The following HOOK2 variants were observed in gnomAD, a reference collection of about 807,000 sequenced individuals.
The protein encoded by HOOK2 is hook microtubule tethering protein 2, also known as protein Hook homolog 2.
In HOOK2, 108 loss-of-function variants were observed where a neutral mutation model predicts 111.9. The ratio of observed to expected loss-of-function variants is 0.96; its 90% CI spans 0.83 to 1.13. The LOEUF (loss-of-function observed/expected upper bound fraction) is 1.13. HOOK2 is among the 50% of genes most tolerant of loss of function. The pLI is 0.00. For synonymous variants in HOOK2, 405 were observed against 394.3 expected (o/e 1.03, Z -0.32); for missense variants, 978 against 951.3 (o/e 1.03, Z -0.37).
intron 14 of HOOK2, 63 bp downstream of exon 14, chr19:12,767,332 G>A (rs371473346): frequency 4.3e-6 from 6 of 1,383,240 alleles, no homozygotes; most frequent in Admixed American, 3.4e-5. Context: ...GGGCGGGAGC[G>A]GGGCTGAGGG....
rs550456198 is a variant in HOOK2 at position 12,766,774 on chromosome 19, G to A, written c.1374-534C>T. Among the ~76,000 whole-genome samples, 16 of 152,200 alleles carry A rather than the reference G, an allele frequency of 1.1e-4. No individual in the cohort carries two copies. The South Asian group carries it at 2.3e-3, about 22-fold the overall frequency. ...AATTTTTTGTATTTTTAGTAGAGAC[G>A]GGGTTTCACCGTGTTAGCCAGGATG... On this transcript the variant is annotated intron_variant, in intron 14 of 22. Transcript: ENST00000397668.
In HOOK2 at chr19:12,791,602, C is replaced by G; in HGVS notation, n.42-17377G>C. ...GGCGACGGGGGCTCGGGAAGCCTGA[C>G]AGGGCTTTTGCGCACAGCTGCCGGC... On this transcript the variant is annotated intron_variant and non_coding_transcript_variant, in intron 3 of 3. Coordinates refer to the HOOK2 transcript ENST00000589765. The surrounding 1 kb of genome is among the most constrained non-coding windows in gnomAD (Gnocchi z 7.0). 1 of 531,888 alleles carries G rather than the reference C, an allele frequency of 1.9e-6. No homozygotes were observed. The highest frequency in any genetic ancestry group is 3.3e-6 in the Non-Finnish European group (1 of 307,390). 32.9% of individuals were successfully genotyped at this position (531,888 alleles called of 1,614,324 possible). A position where few individuals can be genotyped will look rare whatever the true frequency, so the allele number is the denominator to read the frequency against.
At chr19:12,768,712 G>A (rs1487319202) in intron 11 of HOOK2, among the ~76,000 whole-genome samples, 2 of 152,098 alleles carry the variant, frequency 1.3e-5, no homozygotes, top group African/African-American at 4.8e-5. Flanking sequence ...GGCCTCAAGC[G>A]ATCTCCCATC....
At chr19:12,792,224 C>T (rs1216908722) in intron 3 of HOOK2, 19 of 1,537,744 alleles carry the variant, frequency 1.2e-5, no homozygotes, top group Non-Finnish European at 1.6e-5. Context: ...AGATGAACCA[C>T]GTGACACCCC....
At chr19:12,765,643 T>C in intron 18 of HOOK2, 47 bp downstream of exon 18, 1 of 1,610,112 alleles carries the variant, frequency 6.2e-7, no homozygotes, top group East Asian at 2.2e-5. Flanking sequence ...TCCCCACTAA[T>C]ATCAAATCCA....
At chr19:12,773,805 C>T (rs1968409034) in intron 3 of HOOK2, 1 of 152,848 alleles carries the variant, frequency 6.5e-6, no homozygotes, top group Non-Finnish European at 1.5e-5. Context: ...AAATAGAATC[C>T]ACACCCCCAC....
At chr19:12,774,766 C>A (rs536059108) in intron 2 of HOOK2, 25 bp from the exon 3 acceptor site, 31 of 1,613,346 alleles carry the variant, frequency 1.9e-5, no homozygotes, top group Non-Finnish European at 2.4e-5. Flanking sequence ...GTGGGATGAG[C>A]AGACTGGGGG....
In HOOK2 at chr19:12,763,302, G is replaced by A. The variant is rs534401567; in HGVS notation, c.2140C>T (p.Arg714Cys). ...GTCTGTCAGTGCTTGTCAGTGGGGCGAAGGTTCAGAGATGCCAGGCGTCCC... is the reference window on the plus strand; with the variant it reads ...GTCTGTCAGTGCTTGTCAGTGGGGCAAAGGTTCAGAGATGCCAGGCGTCCC... ...PLGRLASLNL[R>C]PTDKH Residue 714 changes from arginine to cysteine, a missense_variant, in exon 23 of 23, where the codon CGC (arginine) becomes TGC (cysteine). Arg to Cys is a radical substitution (Grantham distance 180). Transcript: ENST00000397668. 190 of 1,613,808 alleles carry A rather than the reference G, an allele frequency of 1.2e-4. No individual in the cohort carries two copies. Among genetic ancestry groups the A allele is most frequent in the Middle Eastern group, 3.4e-4 (2 of 5,810 alleles).
intron 11 of HOOK2, among the ~76,000 whole-genome samples, chr19:12,768,963 ATTT>A (rs757287596): frequency 2.5e-5 from 3 of 122,308 alleles, no homozygotes; most frequent in Admixed American, 8.3e-5. Context: ...AGCCCGGCTA[ATTT>A]TTTTTTTTTT....
chr19:12,782,713 C>A (rs867368046), upstream of HOOK2, among the ~76,000 whole-genome samples: 65 of 152,244 alleles, frequency 4.3e-4, no homozygotes, highest in Middle Eastern at 3.4e-3. Flanking sequence ...AGGACCAGCC[C>A]CGCCCCGGCC....
At chr19:12,784,004 A>AG (rs1392952259) in intron 3 of HOOK2, among the ~76,000 whole-genome samples, 26 of 144,796 alleles carry the variant, frequency 1.8e-4, no homozygotes, top group African/African-American at 6.0e-4. Context: ...GTGCCCTGAG[A>AG]GGGCCCCCCC....
At position 12,772,658 on chromosome 19, in the gene HOOK2, C is replaced by T. The variant is rs761946117; in HGVS notation, c.411G>A (p.Thr137=). 5 of 1,614,222 alleles carry T rather than the reference C, an allele frequency of 3.1e-6. No homozygotes were observed. The highest frequency in any genetic ancestry group is 1.7e-5 in the Admixed American group (1 of 60,022). The stretch of plus-strand genomic sequence containing the variant: ...CCACATGCTGAACCGATTCTTCCAG[C>T]GTCATGATTCTCTGGATGTGGTCTG... ...KKQDHIQRIM[T]LEESVQHVVM... The change falls in exon 6 of 23, where the codon ACG becomes ACA. Residue 137 remains threonine, a synonymous_variant. Transcript: ENST00000397668.
intron 3 of HOOK2, chr19:12,773,337 C>T: frequency 5.5e-6 from 2 of 366,898 alleles, no homozygotes; most frequent in South Asian, 6.0e-5. Context: ...GCAGCCTCGA[C>T]CTCCTGGGGT....
At chr19:12,779,236 G>A (rs1288743258), upstream of HOOK2, among the ~76,000 whole-genome samples, 2 of 152,130 alleles carry the variant, frequency 1.3e-5, no homozygotes, top group African/African-American at 4.8e-5. Flanking sequence ...ACCCCTCCCT[G>A]TGGCCACAGC....
intron 20 of HOOK2, 92 bp from the exon 21 acceptor site, chr19:12,763,870 AT>A: frequency 1.2e-6 from 1 of 855,430 alleles, no homozygotes; most frequent in Non-Finnish European, 1.9e-6. Flanking sequence ...TCTTTCATTC[AT>A]TATAGAGACA....
chr19:12,780,267 T>G (rs1968585814), upstream of HOOK2, among the ~76,000 whole-genome samples: 1 of 152,192 alleles, frequency 6.6e-6, no homozygotes, highest in African/African-American at 2.4e-5. Flanking sequence ...GCTCTCTCAC[T>G]CCAATTGCAT....
Position 12,786,835 on chromosome 19 carries a change from C to T in HOOK2, n.42-12610G>A, listed in dbSNP as rs1230581716. 6.6e-6 allele frequency among the ~76,000 whole-genome samples: 1 copy of T among 152,168 alleles called. No homozygotes were observed. The highest frequency in any genetic ancestry group is 1.5e-5 in the Non-Finnish European group (1 of 68,034). On this transcript the variant is annotated intron_variant and non_coding_transcript_variant, in intron 3 of 3. Transcript: ENST00000589765. The surrounding 1 kb of genome is among the most constrained non-coding windows in gnomAD (Gnocchi z 4.3). ...GCTGGCCTGTCCACAGAGACCCGTGCCCCTCTGTCTGTGCCCCACCACATT... is the reference window on the plus strand; with the variant it reads ...GCTGGCCTGTCCACAGAGACCCGTGTCCCTCTGTCTGTGCCCCACCACATT...
intron 10 of HOOK2, among the ~76,000 whole-genome samples, chr19:12,770,383 G>A (rs1235481841): frequency 6.6e-6 from 1 of 151,726 alleles, no homozygotes. Context: ...ATCTGCCAAG[G>A]ATACCTTGGA....
At chr19:12,764,653 A>G in intron 20 of HOOK2, 161 bp downstream of exon 20, 1 of 672,250 alleles carries the variant, frequency 1.5e-6, no homozygotes. Context: ...TAATGTGACA[A>G]TCAGTAGCAG....
Sources: allele counts gnomAD v4.1 joint callset (sites outside exome capture counted in the v4.1 genomes callset), GRCh38; gene constraint gnomAD v4.1.1; non-coding constraint Gnocchi (gnomAD v3.1); transcripts MANE v1.5; gene names NCBI Gene and HGNC (gene_info 2026-07-23, HGNC 2026-07-21).